The following GCNT2 variants were observed in gnomAD, a reference collection of about 807,000 sequenced individuals.
GCNT2 encodes glucosaminyl (N-acetyl) transferase 2 (I blood group), also known as N-acetyllactosaminide beta-1,6-N-acetylglucosaminyl-transferase.
In GCNT2, 34 loss-of-function variants were observed where a neutral mutation model predicts 34.2. That is an observed-to-expected ratio of 1.00 (90% CI 0.76 to 1.32). GCNT2 has a LOEUF of 1.32. GCNT2 is among the 40% of genes most tolerant of loss of function. GCNT2 has a pLI of 0.00. For missense variants in GCNT2, 584 were observed against 489.4 expected, an observed-to-expected ratio of 1.19 and a Z score of -1.82; for synonymous variants, 212 against 188.0, an observed-to-expected ratio of 1.13 and a Z score of -1.04.
intron 3 of GCNT2, among the ~76,000 whole-genome samples, chr6:10,571,038 G>A (rs1763532449): frequency 6.6e-6 from 1 of 152,132 alleles, no homozygotes; most frequent in Non-Finnish European, 1.5e-5. Context: ...TAATGACAGC[G>A]TTTAGAACCA....
chr6:10,576,470 C>T (rs946872764), intron 3 of GCNT2, among the ~76,000 whole-genome samples: 1 of 152,018 alleles, frequency 6.6e-6, no homozygotes, highest in Non-Finnish European at 1.5e-5. Context: ...TGGTCGTAAT[C>T]GTGAGTTTCC....
chr6:10,523,528 C>A (rs1322245096), intron 1 of GCNT2, among the ~76,000 whole-genome samples: 1 of 152,090 alleles, frequency 6.6e-6, no homozygotes, highest in Non-Finnish European at 1.5e-5. Context: ...ACTTCATTTC[C>A]CCCTCGTAGC....
chr6:10,535,227 C>CT (rs1387062370), intron 3 of GCNT2, among the ~76,000 whole-genome samples: 1 of 152,120 alleles, frequency 6.6e-6, no homozygotes, highest in Non-Finnish European at 1.5e-5. Context: ...AGCAGGTCCT[C>CT]TGGAGGCCTC....
Position 10,626,775 on chromosome 6 carries a change from T to TA in GCNT2, c.*169dup. 1 of 624,712 alleles carries TA rather than the reference T, an allele frequency of 1.6e-6. No individual in the cohort carries two copies. Among genetic ancestry groups the TA allele is most frequent in the Non-Finnish European group, 2.9e-6 (1 of 349,930 alleles). The allele number at this position is 624,712 out of a possible 1,614,324, so 38.7% of individuals were successfully genotyped here. Reference sequence around the variant, plus strand: ...AAAATATCCACTGGACACTGTGAAATACACTAACAGGATGGCTGGGTAGAG... The same window carrying TA: ...AAAATATCCACTGGACACTGTGAAATAACACTAACAGGATGGCTGGGTAGAG... On this transcript the variant is annotated 3_prime_UTR_variant, in exon 5 of 5. Transcript: ENST00000495262.
intron 3 of GCNT2, among the ~76,000 whole-genome samples, chr6:10,576,625 G>A (rs961012513): frequency 4.6e-5 from 7 of 152,140 alleles, no homozygotes; most frequent in South Asian, 2.1e-4. Context: ...GGAGGAATGG[G>A]TTGGGGAGTT....
rs61490868 is a variant in GCNT2, at chr6:10,579,826, C to CAAA, written c.926-41505_926-41503dup. 2.5e-3 allele frequency among the ~76,000 whole-genome samples: 225 copies of CAAA among 89,864 alleles called. 1 individual carries two copies. Among genetic ancestry groups the CAAA allele is most frequent in the Middle Eastern group, 0.019 (3 of 156 alleles). 59.0% of individuals were successfully genotyped at this position (89,864 alleles called of 152,430 possible). ...GCGAGACTCCATCTCAAAAAACAAA[C>CAAA]AAAAAAAAAAAAAAAAAAAAAACAA... On this transcript the variant is annotated intron_variant, in intron 3 of 4. Coordinates refer to ENST00000495262, the MANE Select transcript of GCNT2 (RefSeq NM_145649.5).
chr6:10,618,097 C>T (rs1225256205), intron 3 of GCNT2, among the ~76,000 whole-genome samples: 1 of 152,104 alleles, frequency 6.6e-6, no homozygotes, highest in African/African-American at 2.4e-5. Flanking sequence ...TGCTGATGCC[C>T]CTACTCTTAA....
rs114966836 is a variant in GCNT2 at position 10,541,517 on chromosome 6, G to A, written c.925+11681G>A. 7.8e-3 allele frequency among the ~76,000 whole-genome samples: 1,186 copies of A among 152,196 alleles called. 12 individuals carry two copies. The highest frequency in any genetic ancestry group is 0.027 in the African/African-American group (1,124 of 41,518). On this transcript the variant is annotated intron_variant, in intron 3 of 4. Coordinates refer to ENST00000495262, the MANE Select transcript of GCNT2 (RefSeq NM_145649.5). Reference sequence around the variant, plus strand: ...ATGACAGAATGATTTATATTCCTTTGGATCTATGGGATCGCTGGGTCAAAT... The same window carrying A: ...ATGACAGAATGATTTATATTCCTTTAGATCTATGGGATCGCTGGGTCAAAT...
chr6:10,539,884 C>G (rs1288944333), intron 3 of GCNT2, among the ~76,000 whole-genome samples: 2 of 152,136 alleles, frequency 1.3e-5, no homozygotes, highest in Admixed American at 6.6e-5. Context: ...TTGAGACCAG[C>G]CTAGGCAACA....
intron 4 of GCNT2, among the ~76,000 whole-genome samples, chr6:10,623,188 T>G (rs991747385): frequency 6.6e-6 from 1 of 152,146 alleles, no homozygotes; most frequent in Non-Finnish European, 1.5e-5. Flanking sequence ...ACAGCAATGT[T>G]TTCATGCAAC....
intron 3 of GCNT2, among the ~76,000 whole-genome samples, chr6:10,565,619 GC>G (rs1406987197): frequency 6.6e-6 from 1 of 152,132 alleles, no homozygotes; most frequent in East Asian, 1.9e-4. Context: ...GCTTCTGCTG[GC>G]CTGCCCGTTG....
At chr6:10,536,571 G>C (rs1487406887) in intron 3 of GCNT2, among the ~76,000 whole-genome samples, 1 of 151,746 alleles carries the variant, frequency 6.6e-6, no homozygotes, top group Non-Finnish European at 1.5e-5. Flanking sequence ...GGCCAGGATG[G>C]TGTTGATCTC....
At chr6:10,578,097 G>T (rs1763900507) in intron 3 of GCNT2, among the ~76,000 whole-genome samples, 1 of 151,974 alleles carries the variant, frequency 6.6e-6, no homozygotes, top group Admixed American at 6.6e-5. Flanking sequence ...GTGGTAAAGA[G>T]TAGATGAAAC....
At chr6:10,586,622 A>C (rs1561819871) in intron 3 of GCNT2, 1 of 1,614,132 alleles carries the variant, frequency 6.2e-7, no homozygotes, top group Non-Finnish European at 8.5e-7. Flanking sequence ...AAGGATTTAA[A>C]GGGAAAAATA....
rs868232400 is a variant in GCNT2 at position 10,626,730 on chromosome 6, C to T, written c.*123C>T. 5.2e-5 allele frequency: 37 copies of T among 715,814 alleles called. No homozygotes were observed. In the Middle Eastern group the frequency reaches 1.4e-3, roughly 27 times the overall value. 44.3% of individuals were successfully genotyped at this position (715,814 alleles called of 1,614,324 possible). A position where few individuals can be genotyped will look rare whatever the true frequency, so the allele number is the denominator to read the frequency against. On this transcript the variant is annotated 3_prime_UTR_variant, in exon 5 of 5. Coordinates refer to ENST00000495262, the MANE Select transcript of GCNT2 (RefSeq NM_145649.5). ...AGGACCACGTTTATAGCTTCAGGAC[C>T]TGGCTACGTAATTATACTTAAAATA...
intron 3 of GCNT2, among the ~76,000 whole-genome samples, chr6:10,579,826 C>CAAAAAAAAAAAAAA (rs61490868): frequency 2.0e-3 from 177 of 88,924 alleles, no homozygotes; most frequent in Middle Eastern, 6.6e-3. Context: ...AAAAAACAAA[C>CAAAAAAAAAAAAAA]AAAAAAAAAA....
In GCNT2 at chr6:10,628,403, C is replaced by T. The variant is rs1766354607; in HGVS notation, c.*1796C>T. 6.6e-6 allele frequency: 1 copy of T among 152,108 alleles called. No individual in the cohort carries two copies. Among genetic ancestry groups the T allele is most frequent in the Non-Finnish European group, 1.5e-5 (1 of 67,994 alleles). The allele number at this position is 152,108 out of a possible 1,614,324, so 9.4% of individuals were successfully genotyped here. On this transcript the variant is annotated 3_prime_UTR_variant, in exon 5 of 5. Transcript: ENST00000495262. ...TAAAGGGAATGACTTTGAAGTAAAA[C>T]CTTTTTTCTTGCTACTGAAAAAAAT...
chr6:10,571,018 G>A (rs1763531407), intron 3 of GCNT2, among the ~76,000 whole-genome samples: 1 of 152,142 alleles, frequency 6.6e-6, no homozygotes, highest in African/African-American at 2.4e-5. Context: ...ATTCTATGCT[G>A]AATCTAAAAT....
intron 3 of GCNT2, among the ~76,000 whole-genome samples, chr6:10,562,708 T>C (rs927345065): frequency 1.4e-5 from 2 of 138,720 alleles, no homozygotes; most frequent in African/African-American, 5.4e-5. Flanking sequence ...CAAATTCCTA[T>C]CCATAAACAA....
Sources: allele counts gnomAD v4.1 joint callset (sites outside exome capture counted in the v4.1 genomes callset), GRCh38; gene constraint gnomAD v4.1.1; transcripts MANE v1.5; gene names NCBI Gene and HGNC (gene_info 2026-07-23, HGNC 2026-07-21).